The following LAMA4 variants were observed in gnomAD, a reference collection of about 807,000 sequenced individuals.
The protein encoded by LAMA4 is laminin subunit alpha-4.
LAMA4 carries 127 observed loss-of-function variants against 207.1 expected under a neutral mutation model. The ratio of observed to expected loss-of-function variants is 0.61; its 90% CI spans 0.53 to 0.71. The LOEUF is 0.71. LAMA4 is among the 30% of genes least tolerant of loss of function. The pLI, the probability that LAMA4 is intolerant of heterozygous loss-of-function variation, is 0.00. For synonymous variants in LAMA4, 761 were observed against 816.0 expected (o/e 0.93, Z 1.15); for missense variants, 2,093 against 2,246.5 (o/e 0.93, Z 1.38).
In LAMA4 at chr6:112,117,951, AGG is replaced by A. The variant is rs1180541061; in HGVS notation, c.4822-55_4822-54del. 6 of 1,531,354 alleles carry A rather than the reference AGG, an allele frequency of 3.9e-6. No individual in the cohort carries two copies. The highest frequency in any genetic ancestry group is 4.5e-6 in the Non-Finnish European group (5 of 1,107,346). 94.9% of individuals were successfully genotyped at this position (1,531,354 alleles called of 1,614,324 possible). ...CAATTTTCTCAACACAAATGCACCA[AGG>A]GGAAGCAAAATGAGGGGGTTTGAGT... On this transcript the variant is annotated intron_variant, in intron 34 of 38. Coordinates refer to ENST00000230538, the MANE Select transcript of LAMA4 (RefSeq NM_001105206.3). The surrounding 1 kb of genome is among the most constrained non-coding windows in gnomAD (Gnocchi z 4.5).
chr6:112,133,861 G>C (rs1010777221), intron 26 of LAMA4, among the ~76,000 whole-genome samples: 26 of 152,142 alleles, frequency 1.7e-4, no homozygotes, highest in African/African-American at 6.3e-4. Flanking sequence ...ATTTCACAGG[G>C]TTTAACGTAA....
At chr6:112,122,310 A>G (rs1057110571) in intron 31 of LAMA4, 109 bp from the exon 32 acceptor site, 1 of 850,022 alleles carries the variant, frequency 1.2e-6, no homozygotes, top group East Asian at 2.7e-5. Flanking sequence ...TTATTTGTGC[A>G]TTTTCCATTC....
At position 112,187,592 on chromosome 6, in the gene LAMA4, T is replaced by C. The variant is rs183711657; in HGVS notation, c.824A>G (p.Lys275Arg). ...GTCATCAGTCAGGTCCCAGACGCAC[T>C]TATCACAGCCTGGAGGTGAAACATT... ...GMDCPTISCD[K>R]CVWDLTDDLR... The change falls in exon 8 of 39, where the codon AAG (lysine) becomes AGG (arginine). Residue 275 changes from lysine (K) to arginine (R), a missense_variant. Lys to Arg is a conservative substitution (Grantham distance 26). This residue lies in a region of LAMA4 where 1,704 missense variants were observed against 1,788.4 expected (regional missense o/e 0.95). Coordinates refer to ENST00000230538, the MANE Select transcript of LAMA4 (RefSeq NM_001105206.3). 5.8e-5 allele frequency: 94 copies of C among 1,613,816 alleles called. 1 individual carries two copies. The Admixed American group carries it at 1.5e-3, about 26-fold the overall frequency.
chr6:112,237,495 A>T (rs1292462087), intron 2 of LAMA4, among the ~76,000 whole-genome samples: 1 of 152,238 alleles, frequency 6.6e-6, no homozygotes, highest in East Asian at 1.9e-4. Context: ...TGTGAAATTC[A>T]TCTATAAAAC....
intron 22 of LAMA4, 110 bp from the exon 23 acceptor site, chr6:112,139,995 G>A (rs1404085852): frequency 9.2e-7 from 1 of 1,081,718 alleles, no homozygotes; most frequent in African/African-American, 1.6e-5. Context: ...CCCCTTTGTG[G>A]AAATATCTTT....
chr6:112,121,583 T>C (rs150380581), intron 32 of LAMA4, among the ~76,000 whole-genome samples: 121 of 152,336 alleles, frequency 7.9e-4, no homozygotes, highest in African/African-American at 2.8e-3. Context: ...TGGAGATAGC[T>C]GGAGGGTCAT....
rs781984918 is a variant in LAMA4 at position 112,254,140 on chromosome 6, C to T, written c.11G>A (p.Ser4Asn). Residue 4 changes from serine to asparagine, a missense_variant, in exon 2 of 39, where the codon AGC becomes AAC. Physicochemically the swap from Ser to Asn is conservative, Grantham distance 46. Coordinates refer to ENST00000230538, the MANE Select transcript of LAMA4 (RefSeq NM_001105206.3). Reference protein sequence around the residue: MALSSAWRSVLPLW... With the variant: MALNSAWRSVLPLW... ...AGGCAGAACCGAGCGCCAGGCTGAG[C>T]TCAAAGCCATTTCTCCGCTGACATC... 1.2e-6 allele frequency: 2 copies of T among 1,612,908 alleles called. No individual in the cohort carries two copies. Among genetic ancestry groups the T allele is most frequent in the South Asian group, 2.2e-5 (2 of 90,984 alleles).
intron 32 of LAMA4, 84 bp downstream of exon 32, chr6:112,121,930 T>C: frequency 8.3e-7 from 1 of 1,209,282 alleles, no homozygotes; most frequent in Non-Finnish European, 1.2e-6. Flanking sequence ...AAAGGAAAGA[T>C]GGGAAAAAAC....
At chr6:112,173,304 C>T (rs552191735) in intron 11 of LAMA4, among the ~76,000 whole-genome samples, 3 of 152,280 alleles carry the variant, frequency 2.0e-5, no homozygotes, top group African/African-American at 7.2e-5. Flanking sequence ...GATTAAATGG[C>T]AATGACATGA....
intron 12 of LAMA4, among the ~76,000 whole-genome samples, 165 bp from the exon 13 acceptor site, chr6:112,165,441 G>T (rs575300483): frequency 6.6e-6 from 1 of 152,282 alleles, no homozygotes; most frequent in East Asian, 1.9e-4. Context: ...CCTGTTTGAT[G>T]CTGCTTTCTC....
intron 14 of LAMA4, 150 bp downstream of exon 14, chr6:112,158,582 A>G (rs533897973): frequency 1.0e-4 from 83 of 798,392 alleles, no homozygotes; most frequent in African/African-American, 4.1e-4. Flanking sequence ...CCAAGGAACC[A>G]ACCAACCAAC....
intron 3 of LAMA4, among the ~76,000 whole-genome samples, chr6:112,214,796 G>A (rs1784535405): frequency 6.6e-6 from 1 of 152,190 alleles, no homozygotes; most frequent in East Asian, 1.9e-4. Flanking sequence ...ACCTTGGAGG[G>A]AATCACATGA....
chr6:112,253,063 A>C (rs977044922), intron 2 of LAMA4, among the ~76,000 whole-genome samples: 1 of 152,242 alleles, frequency 6.6e-6, no homozygotes, highest in Non-Finnish European at 1.5e-5. Flanking sequence ...GTCAATCCAC[A>C]TAACTGTTTT....
At chr6:112,185,391 G>A in intron 8 of LAMA4, 44 bp from the exon 9 acceptor site, 1 of 1,090,486 alleles carries the variant, frequency 9.2e-7, no homozygotes, top group Non-Finnish European at 1.4e-6. Context: ...GGCACACCAG[G>A]TTTTAAAAAA....
chr6:112,246,022 C>T (rs571189013), intron 2 of LAMA4, among the ~76,000 whole-genome samples: 65 of 152,064 alleles, frequency 4.3e-4, no homozygotes, highest in Admixed American at 1.2e-3. Context: ...GATTCAGAGC[C>T]GAACTGCTGG....
intron 17 of LAMA4, 27 bp downstream of exon 17, chr6:112,150,484 G>A (rs1476942365): frequency 4.4e-6 from 6 of 1,362,650 alleles, no homozygotes; most frequent in Middle Eastern, 1.8e-4. Context: ...ATCAACAGAT[G>A]AGACTTCAAT....
chr6:112,115,831 A>C (rs1372601359), intron 36 of LAMA4, 32 bp downstream of exon 36: 44 of 1,607,082 alleles, frequency 2.7e-5, no homozygotes, highest in Non-Finnish European at 3.7e-5. Context: ...AGGTCAGATG[A>C]GACAAATTGT....
At position 112,248,907 on chromosome 6, in the gene LAMA4, T is replaced by A. The variant is rs1487047933; in HGVS notation, c.195+5049A>T. On this transcript the variant is annotated intron_variant, in intron 2 of 38. Transcript: ENST00000230538. Reference sequence around the variant, plus strand: ...GGTAATTACCACTCTTAAATGTCAATGAACTCATCTGTAAAATGGGTATAA... The same window carrying A: ...GGTAATTACCACTCTTAAATGTCAAAGAACTCATCTGTAAAATGGGTATAA... 2.0e-5 allele frequency among the ~76,000 whole-genome samples: 3 copies of A among 152,232 alleles called. No homozygotes were observed. In the East Asian group the frequency reaches 5.8e-4, roughly 29 times the overall value.
At chr6:112,150,336 TTTC>T in intron 17 of LAMA4, 172 bp downstream of exon 17, 1 of 677,498 alleles carries the variant, frequency 1.5e-6, no homozygotes, top group African/African-American at 1.8e-5. Context: ...TTATATTTAG[TTTC>T]TTCTTTTTGT....
Sources: allele counts gnomAD v4.1 joint callset (sites outside exome capture counted in the v4.1 genomes callset), GRCh38; gene constraint gnomAD v4.1.1; regional missense constraint gnomAD v4.1.1; non-coding constraint Gnocchi (gnomAD v3.1); transcripts MANE v1.5; gene names NCBI Gene and HGNC (gene_info 2026-07-23, HGNC 2026-07-21).